Variants in SLC35F3 observed in about 807,000 individuals in gnomAD.
SLC35F3 encodes putative thiamine transporter SLC35F3.
SLC35F3 carries 25 observed loss-of-function variants against 49.9 expected under a neutral mutation model. That is an observed-to-expected ratio of 0.50 (90% CI 0.37 to 0.70). SLC35F3 has a LOEUF of 0.70. Among genes scored for constraint, SLC35F3 ranks in the 30% least tolerant of loss-of-function variants. SLC35F3 has a pLI of 0.00. For synonymous variants in SLC35F3, 275 were observed against 265.4 expected (o/e 1.04, Z -0.35); for missense variants, 525 against 639.8 (o/e 0.82, Z 1.94).
chr1:234,047,431 G>C (rs1664307501), intron 2 of SLC35F3, among the ~76,000 whole-genome samples: 1 of 152,192 alleles, frequency 6.6e-6, no homozygotes, highest in Non-Finnish European at 1.5e-5. Context: ...TAGAAAGAAG[G>C]CTGACCCTTT....
intron 2 of SLC35F3, among the ~76,000 whole-genome samples, chr1:234,208,078 G>T (rs1364062405): frequency 6.6e-6 from 1 of 152,162 alleles, no homozygotes; most frequent in East Asian, 1.9e-4. Context: ...AATTCTTTCA[G>T]GCCCATATCA....
intron 2 of SLC35F3, among the ~76,000 whole-genome samples, chr1:234,069,141 A>G (rs1464353801): frequency 1.5e-5 from 2 of 132,170 alleles, no homozygotes; most frequent in Non-Finnish European, 3.1e-5. Context: ...TATATAATAT[A>G]TAATATATTT....
At chr1:233,952,226 T>C (rs1050016917) in intron 2 of SLC35F3, among the ~76,000 whole-genome samples, 2 of 152,208 alleles carry the variant, frequency 1.3e-5, no homozygotes, top group African/African-American at 4.8e-5. Context: ...TTAAATGCTT[T>C]GATCAATGGT....
intron 2 of SLC35F3, among the ~76,000 whole-genome samples, chr1:234,070,897 A>G (rs1334344304): frequency 6.6e-6 from 1 of 152,176 alleles, no homozygotes; most frequent in African/African-American, 2.4e-5. Flanking sequence ...CAGAGTTACA[A>G]TTGGAGACTG....
At chr1:234,088,534 A>G (rs1440708605) in intron 2 of SLC35F3, among the ~76,000 whole-genome samples, 2 of 152,116 alleles carry the variant, frequency 1.3e-5, no homozygotes, top group Admixed American at 1.3e-4. Context: ...TCAATGAATG[A>G]CTGGATTTAT....
At chr1:234,314,863 C>T (rs1657446525) in intron 4 of SLC35F3, among the ~76,000 whole-genome samples, 1 of 152,190 alleles carries the variant, frequency 6.6e-6, no homozygotes, top group Non-Finnish European at 1.5e-5. Context: ...CCTGTATTTT[C>T]ACTGGGAGTC....
intron 2 of SLC35F3, among the ~76,000 whole-genome samples, chr1:234,110,083 G>A (rs765234083): frequency 3.3e-5 from 5 of 150,014 alleles, no homozygotes; most frequent in South Asian, 2.1e-4. Flanking sequence ...GCCCAGAAGC[G>A]CAAAGACCCT....
intron 3 of SLC35F3, among the ~76,000 whole-genome samples, chr1:234,307,018 C>T (rs1657214683): frequency 1.3e-5 from 2 of 152,164 alleles, no homozygotes; most frequent in South Asian, 4.1e-4. Context: ...TTTGGTCATA[C>T]TCAATGGACC....
chr1:234,130,910 A>G (rs12146117), intron 2 of SLC35F3, among the ~76,000 whole-genome samples: 58,504 of 151,926 alleles, frequency 0.39, 13,224 homozygotes, highest in Non-Finnish European at 0.52. Flanking sequence ...GGAAGCAACC[A>G]AACTGTTTTG....
intron 2 of SLC35F3, among the ~76,000 whole-genome samples, chr1:234,151,218 GA>G (rs1327864107): frequency 5.3e-5 from 8 of 150,562 alleles, no homozygotes; most frequent in Middle Eastern, 3.4e-3. Context: ...ATAGAGCCAG[GA>G]AATCCCAGAA....
intron 7 of SLC35F3, among the ~76,000 whole-genome samples, chr1:234,322,096 G>A (rs1657635360): frequency 6.6e-6 from 1 of 151,802 alleles, no homozygotes; most frequent in Admixed American, 6.6e-5. Flanking sequence ...TCAGGAGGCT[G>A]GATGGGAGAA....
rs111610471 is a variant in SLC35F3 at position 233,930,651 on chromosome 1, C to G, written c.283+24893C>G. ...CAAAACTCAACTACCAGTAGCTTAC[C>G]GTTGACTGGGAGTCTTACTGATAGC... On this transcript the variant is annotated intron_variant, in intron 2 of 7. Coordinates refer to ENST00000366618, the MANE Select transcript of SLC35F3 (RefSeq NM_173508.4). Among the ~76,000 whole-genome samples the G allele has an allele frequency of 3.4e-4, 52 of 152,248 alleles. 1 individual carries two copies. Among genetic ancestry groups the G allele is most frequent in the African/African-American group, 1.3e-3 (52 of 41,558 alleles).
At chr1:234,265,741 C>G (rs186111112) in intron 3 of SLC35F3, among the ~76,000 whole-genome samples, 3 of 152,302 alleles carry the variant, frequency 2.0e-5, no homozygotes, top group South Asian at 4.1e-4. Context: ...CTCCCCTACT[C>G]AAACCCCTGT....
chr1:233,949,549 C>A (rs1662569289), intron 2 of SLC35F3, among the ~76,000 whole-genome samples: 2 of 152,172 alleles, frequency 1.3e-5, no homozygotes, highest in South Asian at 4.1e-4. Context: ...GCTGGGAGAT[C>A]ACCATGGCTG....
intron 3 of SLC35F3, among the ~76,000 whole-genome samples, chr1:234,270,503 T>A (rs1227037378): frequency 2.0e-5 from 3 of 152,254 alleles, no homozygotes; most frequent in Non-Finnish European, 4.4e-5. Context: ...TAGGCTAAAT[T>A]AAACATTTCA....
intron 2 of SLC35F3, among the ~76,000 whole-genome samples, chr1:234,002,415 T>C (rs1663567586): frequency 6.6e-6 from 1 of 152,222 alleles, no homozygotes; most frequent in African/African-American, 2.4e-5. Flanking sequence ...TCTCAGACTT[T>C]CTTTGATTTT....
chr1:233,906,993 C>T (rs1661788150), intron 2 of SLC35F3, among the ~76,000 whole-genome samples: 2 of 152,150 alleles, frequency 1.3e-5, no homozygotes, highest in Admixed American at 1.3e-4. Context: ...AAAATTGTAG[C>T]TTATTACAAA....
intron 3 of SLC35F3, among the ~76,000 whole-genome samples, chr1:234,264,326 TC>T (rs990383741): frequency 2.6e-5 from 4 of 152,192 alleles, no homozygotes; most frequent in African/African-American, 9.7e-5. Context: ...TGTTCATCGC[TC>T]ATTATAATAT....
rs536361572 is a variant in SLC35F3 at position 233,974,991 on chromosome 1, T to C, written c.283+69233T>C. 2.6e-5 allele frequency among the ~76,000 whole-genome samples: 4 copies of C among 152,314 alleles called. No homozygotes were observed. In the East Asian group the frequency reaches 7.7e-4, roughly 29 times the overall value. On this transcript the variant is annotated intron_variant, in intron 2 of 7. Coordinates refer to ENST00000366618, the MANE Select transcript of SLC35F3 (RefSeq NM_173508.4). ...GAAGACATCAAGATAAGCTATGTAGTTCAGGGACACCCCTGGGCATGGAAG... is the reference window on the plus strand; with the variant it reads ...GAAGACATCAAGATAAGCTATGTAGCTCAGGGACACCCCTGGGCATGGAAG...
Sources: gnomAD v4.1 joint callset for allele counts (sites outside exome capture counted in the v4.1 genomes callset) on GRCh38, gnomAD v4.1.1 for gene constraint, MANE v1.5 for transcripts, NCBI Gene and HGNC (gene_info 2026-07-23, HGNC 2026-07-21) for gene names.